The following ADAMTS19 variants were observed in gnomAD, a reference collection of about 807,000 sequenced individuals.
ADAMTS19 encodes the protein ADAM metallopeptidase with thrombospondin type 1 motif 19, also known as A disintegrin and metalloproteinase with thrombospondin motifs 19.
A neutral mutation model predicts 153.3 loss-of-function variants in ADAMTS19; 93 were observed. The observed-to-expected ratio is 0.61, with a 90% confidence interval of 0.51 to 0.72. ADAMTS19 has a LOEUF of 0.72. ADAMTS19 is among the 30% of genes least tolerant of loss of function. The pLI is 0.00. For missense variants in ADAMTS19, 1,482 were observed against 1,552.1 expected, an observed-to-expected ratio of 0.95 and a Z score of 0.76; for synonymous variants, 600 against 556.6, an observed-to-expected ratio of 1.08 and a Z score of -1.10.
chr5:129,732,598 AC>A (rs1757485690), intron 21 of ADAMTS19, among the ~76,000 whole-genome samples: 1 of 152,126 alleles, frequency 6.6e-6, no homozygotes, highest in Admixed American at 6.6e-5. Context: ...ACTTAGGAAT[AC>A]GTTTAACTAA....
intron 15 of ADAMTS19, among the ~76,000 whole-genome samples, chr5:129,662,827 C>T (rs1561635157): frequency 6.6e-6 from 1 of 151,188 alleles, no homozygotes; most frequent in Non-Finnish European, 1.5e-5. Flanking sequence ...GAGATATTCT[C>T]ATCCATAGGG....
intron 16 of ADAMTS19, among the ~76,000 whole-genome samples, chr5:129,673,742 TC>T (rs1318280688): frequency 6.6e-6 from 1 of 152,224 alleles, no homozygotes; most frequent in Non-Finnish European, 1.5e-5. Context: ...TTTTTCTGTC[TC>T]TTTTCAATTA....
At chr5:129,465,628 C>T (rs1749829769) in intron 2 of ADAMTS19, among the ~76,000 whole-genome samples, 1 of 152,092 alleles carries the variant, frequency 6.6e-6, no homozygotes, top group African/African-American at 2.4e-5. Context: ...ATTTTTGTGA[C>T]TCCCATTTAG....
At chr5:129,578,415 C>T (rs1008866059) in intron 7 of ADAMTS19, among the ~76,000 whole-genome samples, 2 of 145,890 alleles carry the variant, frequency 1.4e-5, no homozygotes, top group Non-Finnish European at 3.0e-5. Flanking sequence ...TGTACGTATA[C>T]GTACATATAC....
chr5:129,654,465 A>G, intron 14 of ADAMTS19, 32 bp downstream of exon 14: 2 of 1,592,600 alleles, frequency 1.3e-6, no homozygotes, highest in Non-Finnish European at 1.7e-6. Flanking sequence ...AAGAATTTAT[A>G]TGTTGAAGGA....
At chr5:129,720,252 ACCTCCGCCTCCAGGGT>A (rs1311549737) in intron 21 of ADAMTS19, among the ~76,000 whole-genome samples, 1 of 149,550 alleles carries the variant, frequency 6.7e-6, no homozygotes, top group African/African-American at 2.5e-5. Flanking sequence ...GCTCACTGCA[ACCTCCGCCTCCAGGGT>A]TCAAGCGATT....
At chr5:129,535,730 C>T (rs1273839891) in intron 6 of ADAMTS19, among the ~76,000 whole-genome samples, 1 of 152,092 alleles carries the variant, frequency 6.6e-6, no homozygotes, top group East Asian at 1.9e-4. Context: ...ACCAATGGAA[C>T]AGAACAGAGC....
intron 7 of ADAMTS19, among the ~76,000 whole-genome samples, chr5:129,564,318 G>A (rs1316593793): frequency 2.0e-5 from 3 of 152,050 alleles, no homozygotes; most frequent in Non-Finnish European, 4.4e-5. Context: ...ATAATAAATG[G>A]CTGTTACTTT....
chr5:129,618,734 T>C (rs1306396859), intron 8 of ADAMTS19, among the ~76,000 whole-genome samples: 2 of 151,990 alleles, frequency 1.3e-5, no homozygotes, highest in African/African-American at 4.8e-5. Context: ...CAATTTTATT[T>C]AATATCTAGA....
chr5:129,614,407 G>T (rs970245131), intron 8 of ADAMTS19, among the ~76,000 whole-genome samples: 1 of 151,958 alleles, frequency 6.6e-6, no homozygotes, highest in Non-Finnish European at 1.5e-5. Context: ...ACGTAATCCA[G>T]CATATAAACA....
In ADAMTS19 at chr5:129,622,353, A is replaced by G; in HGVS notation, c.1770+5A>G. The G allele has an allele frequency of 6.2e-7, 1 of 1,613,916 alleles. No individual in the cohort carries two copies. The highest frequency in any genetic ancestry group is 8.5e-7 in the Non-Finnish European group (1 of 1,179,906). On this transcript the variant is annotated splice_donor_5th_base_variant and intron_variant, in intron 10 of 22. Coordinates refer to ENST00000274487, the MANE Select transcript of ADAMTS19 (RefSeq NM_133638.6). ...TCTTTTTGTCAGGAGATGCAGGTAA[A>G]GATCCAGGTGGGGATTTTGTGCGTT...
rs1179275283 is a variant in ADAMTS19 at position 129,738,641 on chromosome 5, C to T, written c.*1423C>T. 1 of 152,064 alleles carries T rather than the reference C, an allele frequency of 6.6e-6. No individual in the cohort carries two copies. Among genetic ancestry groups the T allele is most frequent in the Non-Finnish European group, 1.5e-5 (1 of 67,996 alleles). 9.4% of individuals were successfully genotyped at this position (152,064 alleles called of 1,614,324 possible). ...AGTACAGGAAAAGCTGATTCCCTGG[C>T]TACTACTATCGCTGTGAGTAATAAA... On this transcript the variant is annotated 3_prime_UTR_variant, in exon 23 of 23. Coordinates refer to ENST00000274487, the MANE Select transcript of ADAMTS19 (RefSeq NM_133638.6).
chr5:129,534,281 G>A (rs1157677046), intron 6 of ADAMTS19, among the ~76,000 whole-genome samples: 1 of 152,102 alleles, frequency 6.6e-6, no homozygotes, highest in Non-Finnish European at 1.5e-5. Flanking sequence ...GGGTGCTCCT[G>A]TATTGGGTAA....
intron 11 of ADAMTS19, among the ~76,000 whole-genome samples, chr5:129,645,661 T>C (rs1254610251): frequency 6.6e-6 from 1 of 152,138 alleles, no homozygotes; most frequent in Non-Finnish European, 1.5e-5. Flanking sequence ...TTATGAACTC[T>C]AGCCCAGTCT....
At chr5:129,714,425 CAAAAAAA>C (rs397949658) in intron 21 of ADAMTS19, among the ~76,000 whole-genome samples, 3 of 98,246 alleles carry the variant, frequency 3.1e-5, no homozygotes, top group African/African-American at 4.3e-5. Flanking sequence ...GACTCCGTCT[CAAAAAAA>C]AAAAAAAAAA....
At chr5:129,698,371 T>C (rs1002766663) in intron 19 of ADAMTS19, among the ~76,000 whole-genome samples, 1 of 152,116 alleles carries the variant, frequency 6.6e-6, no homozygotes, top group Non-Finnish European at 1.5e-5. Context: ...TCCAACCTAG[T>C]AAAAAAATTC....
At chr5:129,538,691 C>G (rs145584519) in intron 6 of ADAMTS19, among the ~76,000 whole-genome samples, 2 of 152,096 alleles carry the variant, frequency 1.3e-5, no homozygotes, top group South Asian at 2.1e-4. Context: ...AGAATGTTAT[C>G]TATGTTGTTG....
intron 14 of ADAMTS19, among the ~76,000 whole-genome samples, chr5:129,658,078 A>T (rs1753621126): frequency 6.6e-6 from 1 of 152,114 alleles, no homozygotes; most frequent in South Asian, 2.1e-4. Flanking sequence ...TGAGCTCAGG[A>T]GTTCGAGACC....
intron 21 of ADAMTS19, among the ~76,000 whole-genome samples, chr5:129,721,563 T>A (rs1390021938): frequency 6.6e-6 from 1 of 152,208 alleles, no homozygotes; most frequent in Middle Eastern, 3.2e-3. Context: ...GAAGTTCACC[T>A]ATTTTTCAGT....
Sources: gnomAD v4.1 joint callset for allele counts (sites outside exome capture counted in the v4.1 genomes callset) on GRCh38, gnomAD v4.1.1 for gene constraint, MANE v1.5 for transcripts, NCBI Gene and HGNC (gene_info 2026-07-23, HGNC 2026-07-21) for gene names.